Variants in NRXN1 observed in about 807,000 individuals in gnomAD.
The protein encoded by NRXN1 is neurexin-1.
In NRXN1, 39 loss-of-function variants were observed where a neutral mutation model predicts 150.9. That is an observed-to-expected ratio of 0.26 (90% CI 0.20 to 0.34). NRXN1 has a LOEUF of 0.34. Ranked by LOEUF, NRXN1 falls within the 10% of genes least tolerant of loss-of-function variation. The probability of loss-of-function intolerance (pLI) is 1.00; values close to 1 mark genes in which losing one functional copy is unlikely to be tolerated. For missense variants in NRXN1, 1,815 were observed against 1,949.9 expected (o/e 0.93, Z 1.30); for synonymous variants, 924 against 757.0 (o/e 1.22, Z -3.62).
intron 18 of NRXN1, among the ~76,000 whole-genome samples, chr2:50,196,775 G>C (rs1322581214): frequency 2.6e-5 from 4 of 152,172 alleles, no homozygotes; most frequent in African/African-American, 7.2e-5. Flanking sequence ...GATGGAGCTA[G>C]AGGCCATTTT....
intron 5 of NRXN1, chr2:50,739,231 G>C (rs772908852): frequency 8.0e-6 from 4 of 501,042 alleles, no homozygotes; most frequent in South Asian, 5.9e-5. Context: ...AGGGCACTGG[G>C]TTCATTGAGG....
At chr2:50,976,685 G>A (rs1481482148) in intron 2 of NRXN1, among the ~76,000 whole-genome samples, 1 of 151,870 alleles carries the variant, frequency 6.6e-6, no homozygotes, top group Non-Finnish European at 1.5e-5. Context: ...CTGTAACCAT[G>A]TGTACATTTC....
chr2:50,097,376 A>C (rs1441406354), intron 18 of NRXN1, among the ~76,000 whole-genome samples: 2 of 152,160 alleles, frequency 1.3e-5, no homozygotes, highest in Non-Finnish European at 2.9e-5. Context: ...TGCTCTCTCT[A>C]TGCTTGTACT....
At chr2:50,434,106 G>C (rs1018899484) in intron 17 of NRXN1, among the ~76,000 whole-genome samples, 25 of 138,716 alleles carry the variant, frequency 1.8e-4, no homozygotes, top group African/African-American at 2.5e-4. Flanking sequence ...GCCCAGGCTG[G>C]AGTGCAATGG....
At chr2:50,798,211 T>C (rs1459787316) in intron 5 of NRXN1, among the ~76,000 whole-genome samples, 1 of 152,102 alleles carries the variant, frequency 6.6e-6, no homozygotes, top group Non-Finnish European at 1.5e-5. Context: ...AAAGCATTGG[T>C]TAATATAGTT....
At chr2:50,877,287 T>C (rs1678746181) in intron 5 of NRXN1, among the ~76,000 whole-genome samples, 1 of 151,832 alleles carries the variant, frequency 6.6e-6, no homozygotes, top group Non-Finnish European at 1.5e-5. Flanking sequence ...TCTTAAAAAG[T>C]TAAACAAAGA....
chr2:50,534,099 G>A (rs997124271), intron 10 of NRXN1, among the ~76,000 whole-genome samples: 1 of 147,116 alleles, frequency 6.8e-6, no homozygotes, highest in Admixed American at 6.8e-5. Flanking sequence ...ATCAATAATT[G>A]CACACACACA....
chr2:50,033,959 T>A (rs1689587230), intron 21 of NRXN1, among the ~76,000 whole-genome samples: 1 of 149,410 alleles, frequency 6.7e-6, no homozygotes, highest in Non-Finnish European at 1.5e-5. Flanking sequence ...ATGGCTATTA[T>A]TAAAAAGTGG....
At chr2:50,007,744 GC>G (rs11337914) in intron 21 of NRXN1, among the ~76,000 whole-genome samples, 7,252 of 152,070 alleles carry the variant, frequency 0.048, 580 homozygotes, top group African/African-American at 0.16. Context: ...TTGGGTAAAT[GC>G]CCAGTAATGG....
At chr2:50,248,462 C>T (rs776357549) in intron 17 of NRXN1, among the ~76,000 whole-genome samples, 1 of 152,122 alleles carries the variant, frequency 6.6e-6, no homozygotes, top group East Asian at 1.9e-4. Flanking sequence ...AGACATTTAA[C>T]TTTTGTTCTA....
chr2:50,603,423 C>T (rs1313179825), intron 8 of NRXN1, among the ~76,000 whole-genome samples: 1 of 152,112 alleles, frequency 6.6e-6, no homozygotes, highest in Non-Finnish European at 1.5e-5. Context: ...TTCTTGGATG[C>T]TTTGCCCAAC....
chr2:50,496,204 A>G lies in NRXN1; in HGVS notation c.2880-109T>C, dbSNP rs2091610147. ...TTTTTCAGGTGGTTCCATCCTTACT[A>G]GAAGTCATGACAATAAGTTACATAG... On this transcript the variant is annotated intron_variant, in intron 14 of 22. Transcript: ENST00000401669. The G allele has an allele frequency of 6.7e-6, 5 of 741,990 alleles. No individual in the cohort carries two copies. In the East Asian group the frequency reaches 8.2e-5, roughly 12 times the overall value. 46.0% of individuals were successfully genotyped at this position (741,990 alleles called of 1,614,324 possible).
At chr2:50,875,715 T>G (rs528881579) in intron 5 of NRXN1, among the ~76,000 whole-genome samples, 2 of 151,906 alleles carry the variant, frequency 1.3e-5, no homozygotes, top group Non-Finnish European at 2.9e-5. Flanking sequence ...CAGCTTGATA[T>G]CCAGGCATAA....
chr2:49,963,855 G>C (rs1676435808), intron 21 of NRXN1, among the ~76,000 whole-genome samples: 1 of 152,196 alleles, frequency 6.6e-6, no homozygotes, highest in African/African-American at 2.4e-5. Flanking sequence ...ATTTTAAATA[G>C]TGGGAGGAAT....
chr2:50,945,885 T>A (rs1354795227), intron 2 of NRXN1, among the ~76,000 whole-genome samples: 1 of 143,302 alleles, frequency 7.0e-6, no homozygotes. Context: ...CAGATATATA[T>A]ATATATATAT....
At chr2:50,384,316 C>A (rs576416480) in intron 17 of NRXN1, among the ~76,000 whole-genome samples, 1 of 151,836 alleles carries the variant, frequency 6.6e-6, no homozygotes, top group Non-Finnish European at 1.5e-5. Flanking sequence ...ACTATCCTGG[C>A]CAACACGGTG....
intron 2 of NRXN1, among the ~76,000 whole-genome samples, chr2:50,945,885 T>G (rs1354795227): frequency 2.8e-5 from 4 of 143,302 alleles, no homozygotes; most frequent in African/African-American, 1.0e-4. Flanking sequence ...CAGATATATA[T>G]ATATATATAT....
intron 14 of NRXN1, among the ~76,000 whole-genome samples, chr2:50,496,998 T>C (rs1379031898): frequency 6.6e-6 from 1 of 152,212 alleles, no homozygotes; most frequent in Non-Finnish European, 1.5e-5. Context: ...TAGACTATCC[T>C]ACAAACCTGT....
intron 18 of NRXN1, among the ~76,000 whole-genome samples, chr2:50,117,573 T>C (rs1305097641): frequency 6.6e-6 from 1 of 152,144 alleles, no homozygotes; most frequent in East Asian, 1.9e-4. Context: ...AAGGTAAAGA[T>C]GGATTAGAAG....
Sources: allele counts gnomAD v4.1 joint callset (sites outside exome capture counted in the v4.1 genomes callset), GRCh38; gene constraint gnomAD v4.1.1; transcripts MANE v1.5; gene names NCBI Gene and HGNC (gene_info 2026-07-23, HGNC 2026-07-21).